The following ZNF469 variants were observed in gnomAD, a reference collection of about 807,000 sequenced individuals.
The protein encoded by ZNF469 is zinc finger protein 469.
A neutral mutation model predicts 1.0 loss-of-function variants in ZNF469; 1 was observed. The observed-to-expected ratio is 1.00, with a 90% CI of 0.35 to 4.73. The LOEUF is 4.73. Ranked by LOEUF, ZNF469 falls within the 30% of genes most tolerant of loss-of-function variation. The pLI is 0.16. For synonymous variants in ZNF469, 2,703 were observed against 2,363.4 expected (o/e 1.14, Z -4.17); for missense variants, 6,100 against 5,356.3 (o/e 1.14, Z -4.33).
chr16:88,351,887 A>G, the ZNF469 span, among the ~76,000 whole-genome samples: 94 of 152,368 alleles, frequency 6.2e-4, 3 homozygotes, highest in South Asian at 0.018. Context: ...TTTGATGTCT[A>G]TAGTGGGTTT....
the ZNF469 span, among the ~76,000 whole-genome samples, chr16:88,342,438 A>T: frequency 6.6e-6 from 1 of 152,080 alleles, no homozygotes; most frequent in African/African-American, 2.4e-5. Flanking sequence ...AATCCTCCTC[A>T]GCTCCCCACT....
the ZNF469 span, among the ~76,000 whole-genome samples, chr16:88,150,689 A>AC: frequency 7.4e-6 from 1 of 135,792 alleles, no homozygotes. Flanking sequence ...AACAGGAAGC[A>AC]CCAGGACTGG....
intron 1 of ZNF469, among the ~76,000 whole-genome samples, chr16:88,420,361 T>G (rs1320428961): frequency 6.6e-6 from 1 of 152,050 alleles, no homozygotes. Context: ...AGGAGCAGGT[T>G]GCTTAGGATG....
the ZNF469 span, among the ~76,000 whole-genome samples, chr16:88,239,706 TATATATATA>T: frequency 3.4e-3 from 21 of 6,250 alleles, no homozygotes; most frequent in South Asian, 9.8e-3. Flanking sequence ...TATATATATA[TATATATATA>T]TTTTTTTTTT....
the ZNF469 span, among the ~76,000 whole-genome samples, chr16:88,159,393 C>T: frequency 7.2e-5 from 11 of 152,152 alleles, no homozygotes; most frequent in South Asian, 2.1e-4. Context: ...TACCGTGCCA[C>T]GGCTCACGGG....
chr16:88,314,771 C>T, the ZNF469 span, among the ~76,000 whole-genome samples: 2 of 142,662 alleles, frequency 1.4e-5, no homozygotes, highest in Non-Finnish European at 3.0e-5. Context: ...TGTGGGCTAT[C>T]TCTGTAATTA....
chr16:88,296,297 C>A, the ZNF469 span, among the ~76,000 whole-genome samples: 1 of 152,156 alleles, frequency 6.6e-6, no homozygotes, highest in Non-Finnish European at 1.5e-5. Flanking sequence ...GCAAGGTGGG[C>A]GGAACATGAG....
chr16:88,126,468 C>G, the ZNF469 span, among the ~76,000 whole-genome samples: 531 of 149,940 alleles, frequency 3.5e-3, 4 homozygotes, highest in African/African-American at 0.013. Flanking sequence ...TATTTCCTAT[C>G]CCAGTTGTGC....
chr16:88,380,949 C>A (rs200403821), upstream of ZNF469, among the ~76,000 whole-genome samples: 1 of 144,430 alleles, frequency 6.9e-6, no homozygotes, highest in Non-Finnish European at 1.5e-5. Context: ...CACACAGACA[C>A]GCCCTCACAC....
At chr16:88,286,938 G>A in the ZNF469 span, among the ~76,000 whole-genome samples, 10 of 152,144 alleles carry the variant, frequency 6.6e-5, no homozygotes, top group Non-Finnish European at 1.0e-4. Context: ...CACATCAGGG[G>A]GAGTGTGTAT....
the ZNF469 span, among the ~76,000 whole-genome samples, chr16:88,328,279 G>C: frequency 6.6e-6 from 1 of 152,258 alleles, no homozygotes; most frequent in East Asian, 1.9e-4. Context: ...TAAAATGCCT[G>C]TAGAGGAACA....
chr16:88,399,531 CA>C (rs1904794817), intron 1 of ZNF469, among the ~76,000 whole-genome samples: 1 of 152,150 alleles, frequency 6.6e-6, no homozygotes, highest in African/African-American at 2.4e-5. Flanking sequence ...CAGGGGCAGA[CA>C]GAGCCACCTT....
At chr16:88,122,388 A>G in the ZNF469 span, among the ~76,000 whole-genome samples, 1 of 148,674 alleles carries the variant, frequency 6.7e-6, no homozygotes, top group Non-Finnish European at 1.5e-5. Context: ...AGTCACTCAG[A>G]TCACATCCCG....
upstream of ZNF469, among the ~76,000 whole-genome samples, chr16:88,379,223 G>A (rs1009072116): frequency 3.3e-5 from 5 of 152,202 alleles, no homozygotes; most frequent in African/African-American, 1.2e-4. Flanking sequence ...CTGGAGCTCT[G>A]GGCAGCATGT....
At chr16:88,141,724 G>T in the ZNF469 span, among the ~76,000 whole-genome samples, 1 of 152,226 alleles carries the variant, frequency 6.6e-6, no homozygotes, top group African/African-American at 2.4e-5. Context: ...GAGGCGGGAG[G>T]CCAGGGGCAG....
At chr16:88,140,402 C>CCA in the ZNF469 span, among the ~76,000 whole-genome samples, 79 of 148,586 alleles carry the variant, frequency 5.3e-4, no homozygotes, top group African/African-American at 2.0e-3. Flanking sequence ...GAGGACGGAG[C>CCA]CGTGTAGAAA....
chr16:88,259,097 C>T, the ZNF469 span, among the ~76,000 whole-genome samples: 1 of 152,258 alleles, frequency 6.6e-6, no homozygotes, highest in Non-Finnish European at 1.5e-5. This position sits in a 1 kb window ranked among gnomAD's most constrained non-coding sequence, Gnocchi z 4.1. Flanking sequence ...GTGTCTCTTT[C>T]TCTTTAAGCA....
chr16:88,145,925 G>T, the ZNF469 span, among the ~76,000 whole-genome samples: 2 of 152,260 alleles, frequency 1.3e-5, no homozygotes, highest in Admixed American at 1.3e-4. Flanking sequence ...CAGCGGTCCG[G>T]CCTCTGGGAA....
At chr16:88,361,670 A>T in the ZNF469 span, among the ~76,000 whole-genome samples, 1 of 151,784 alleles carries the variant, frequency 6.6e-6, no homozygotes, top group Non-Finnish European at 1.5e-5. Context: ...TCATTTTCTT[A>T]ATGGTGACTT....
Sources: gnomAD v4.1 joint callset for allele counts (sites outside exome capture counted in the v4.1 genomes callset) on GRCh38, gnomAD v4.1.1 for gene constraint, Gnocchi (gnomAD v3.1) non-coding constraint, MANE v1.5 for transcripts, NCBI Gene and HGNC (gene_info 2026-07-23, HGNC 2026-07-21) for gene names.